Variants in TRABD2A observed in about 807,000 individuals in gnomAD.
TRABD2A encodes the protein TraB domain containing 2A.
In TRABD2A, 43 loss-of-function variants were observed where a neutral mutation model predicts 45.6. That is an observed-to-expected ratio of 0.94 (90% CI 0.74 to 1.22). The LOEUF (loss-of-function observed/expected upper bound fraction) is 1.22. Among genes scored for constraint, TRABD2A ranks in the 50% most tolerant of loss-of-function variants. TRABD2A has a pLI of 0.00. For missense variants in TRABD2A, 642 were observed against 652.4 expected, an observed-to-expected ratio of 0.98 and a Z score of 0.17; for synonymous variants, 269 against 265.0, an observed-to-expected ratio of 1.02 and a Z score of -0.15.
intron 4 of TRABD2A, chr2:84,832,471 G>A: frequency 3.4e-6 from 1 of 293,636 alleles, no homozygotes; most frequent in South Asian, 5.1e-5. Context: ...ATGTGAGCAG[G>A]ATCCTGAAAG....
At chr2:84,840,402 T>G (rs1316571065) in intron 3 of TRABD2A, among the ~76,000 whole-genome samples, 4 of 152,044 alleles carry the variant, frequency 2.6e-5, no homozygotes, top group Non-Finnish European at 5.9e-5. Flanking sequence ...ATACACAGGG[T>G]GACCTCCCTC....
intron 2 of TRABD2A, among the ~76,000 whole-genome samples, chr2:84,852,959 C>A (rs148984086): frequency 2.0e-5 from 3 of 152,076 alleles, no homozygotes; most frequent in African/African-American, 7.2e-5. Flanking sequence ...GCTGTGGAAC[C>A]ACTAGAGAGG....
At position 84,830,580 on chromosome 2, in the gene TRABD2A, T is replaced by A. The variant is rs1379223021; in HGVS notation, c.1082+1475A>T. Among the ~76,000 whole-genome samples, 2 of 151,852 alleles carry A rather than the reference T, an allele frequency of 1.3e-5. No homozygotes were observed. The highest frequency in any genetic ancestry group is 4.8e-5 in the African/African-American group (2 of 41,286). ...GGCCATGGAAATGGAGAAGGACAAA[T>A]CCCAGCGAGTCTTTAGTGGAGGAAG... On this transcript the variant is annotated intron_variant, in intron 5 of 6. Coordinates refer to ENST00000409520, the MANE Select transcript of TRABD2A (RefSeq NM_001277053.2). The surrounding 1 kb of genome is among the most constrained non-coding windows in gnomAD (Gnocchi z 4.9).
At chr2:84,828,951 G>T (rs1681230555) in intron 5 of TRABD2A, among the ~76,000 whole-genome samples, 1 of 152,012 alleles carries the variant, frequency 6.6e-6, no homozygotes, top group Non-Finnish European at 1.5e-5. Flanking sequence ...GTAGGGAAAG[G>T]ATCTCTGGCA....
At chr2:84,843,313 G>A (rs1681773460) in intron 2 of TRABD2A, among the ~76,000 whole-genome samples, 1 of 152,116 alleles carries the variant, frequency 6.6e-6, no homozygotes, top group Non-Finnish European at 1.5e-5. Context: ...GAGGTCTTTA[G>A]CAAGATGTTT....
intron 3 of TRABD2A, among the ~76,000 whole-genome samples, chr2:84,840,808 C>G (rs527330953): frequency 1.2e-4 from 18 of 152,274 alleles, no homozygotes; most frequent in African/African-American, 3.6e-4. Context: ...TCCTGCTTCA[C>G]TTTGTCTCAA....
intron 2 of TRABD2A, among the ~76,000 whole-genome samples, chr2:84,866,199 G>A (rs1339190804): frequency 1.3e-5 from 2 of 152,216 alleles, no homozygotes; most frequent in African/African-American, 4.8e-5. Flanking sequence ...GAGGAGTGGG[G>A]ACTGCGGCCA....
chr2:84,870,565 T>G lies in TRABD2A; in HGVS notation c.329A>C (p.Asn110Thr). 1 of 1,613,812 alleles carries G rather than the reference T, an allele frequency of 6.2e-7. No homozygotes were observed. The highest frequency in any genetic ancestry group is 8.5e-7 in the Non-Finnish European group (1 of 1,179,802). ...TSCQMLPQGE[N>T]LQDVLPRDIY... ...GTCCCTGGGGAGCACATCTTGGAGGTTCTCGCCCTGTGGCAGCATCTGACA... is the reference window on the plus strand; with the variant it reads ...GTCCCTGGGGAGCACATCTTGGAGGGTCTCGCCCTGTGGCAGCATCTGACA... The change falls in exon 2 of 7, where the codon AAC becomes ACC. Residue 110 changes from asparagine to threonine, a missense_variant. By Grantham distance (65) the Asn-to-Thr change is moderately conservative (BLOSUM62 0). Transcript: ENST00000409520.
chr2:84,872,171 T>C (rs1429517988), intron 1 of TRABD2A, among the ~76,000 whole-genome samples: 2 of 152,192 alleles, frequency 1.3e-5, no homozygotes, highest in Non-Finnish European at 1.5e-5. Flanking sequence ...AAGAACAATG[T>C]ATTAAGAAAG....
At chr2:84,847,697 T>G (rs1010794031) in intron 2 of TRABD2A, among the ~76,000 whole-genome samples, 4 of 152,230 alleles carry the variant, frequency 2.6e-5, no homozygotes, top group African/African-American at 4.8e-5. Flanking sequence ...TCCATTCAAA[T>G]CCTTCCTTTA....
intron 2 of TRABD2A, among the ~76,000 whole-genome samples, chr2:84,845,065 T>C (rs1417079851): frequency 2.0e-5 from 3 of 152,168 alleles, no homozygotes; most frequent in Admixed American, 2.0e-4. Context: ...AAATAAGAAC[T>C]TTAGGCCAGG....
rs778772598 is a variant in TRABD2A, at chr2:84,824,184, G to A, written c.1103C>T (p.Ser368Phe). ...GATGGTGGACAGAGTGGGCCGTGTG[G>A]AGGTCTTTTTACTCTTCCCTCTGTA... is the stretch of plus-strand genomic sequence containing the variant. ...PIHKGKSKKT[S>F]TRPTLSTIFA... Residue 368 changes from serine (S) to phenylalanine (F), a missense_variant, in exon 6 of 7, where the codon TCC becomes TTC. By Grantham distance (155) the Ser-to-Phe change is radical. Coordinates refer to ENST00000409520, the MANE Select transcript of TRABD2A (RefSeq NM_001277053.2). 14 of 1,613,984 alleles carry A rather than the reference G, an allele frequency of 8.7e-6. No homozygotes were observed. The highest frequency in any genetic ancestry group is 1.2e-5 in the Non-Finnish European group (14 of 1,179,884).
intron 2 of TRABD2A, among the ~76,000 whole-genome samples, chr2:84,852,694 A>C (rs1259358615): frequency 1.3e-5 from 2 of 152,176 alleles, no homozygotes; most frequent in Admixed American, 1.3e-4. Flanking sequence ...GACAACTGCA[A>C]AGATGACCCA....
chr2:84,845,570 C>T (rs11691972), intron 2 of TRABD2A, among the ~76,000 whole-genome samples: 2,564 of 131,782 alleles, frequency 0.019, 83 homozygotes, highest in African/African-American at 0.081. Flanking sequence ...GAGACAAGGG[C>T]GGGGGAAGAA....
chr2:84,873,614 A>C (rs1038518442), intron 1 of TRABD2A, among the ~76,000 whole-genome samples: 2 of 152,314 alleles, frequency 1.3e-5, no homozygotes, highest in African/African-American at 2.4e-5. Context: ...TAAGCAATCA[A>C]ATGTCTCACT....
chr2:84,825,876 G>T (rs886845547), intron 5 of TRABD2A, among the ~76,000 whole-genome samples: 3 of 152,104 alleles, frequency 2.0e-5, no homozygotes, highest in African/African-American at 7.2e-5. Context: ...CAGGGATCTC[G>T]GTTGCACACT....
chr2:84,829,876 TAC>T (rs140126886), intron 5 of TRABD2A, among the ~76,000 whole-genome samples: 2 of 132,162 alleles, frequency 1.5e-5, no homozygotes, highest in Non-Finnish European at 3.3e-5. Context: ...ACATGCACAC[TAC>T]ACACACACAC....
At position 84,870,449 on chromosome 2, in the gene TRABD2A, C is replaced by A. The variant is rs759830766; in HGVS notation, c.445G>T (p.Ala149Ser). The part of the protein sequence containing the change: ...TPDQRGKGLY[A>S]DYLFNAIAGN... ...GCAATAGCATTGAAGAGGTAGTCTG[C>A]GTAGAGCCCCTTGCCGCGCTGGTCT... The change falls in exon 2 of 7, where the codon GCA (alanine) becomes TCA (serine). Residue 149 changes from alanine (A) to serine (S), a missense_variant. Coordinates refer to ENST00000409520, the MANE Select transcript of TRABD2A (RefSeq NM_001277053.2). 1.2e-6 allele frequency: 2 copies of A among 1,614,026 alleles called. No individual in the cohort carries two copies. The highest frequency in any genetic ancestry group is 1.7e-6 in the Non-Finnish European group (2 of 1,179,894).
chr2:84,859,955 G>T lies in TRABD2A; in HGVS notation c.669+10270C>A, dbSNP rs1003485085. ...CATTTATTTTTTGGAGAGATGGGGGGGGGTCTCACTATGTTGTCCAGGCTG... is the reference window on the plus strand; with the variant it reads ...CATTTATTTTTTGGAGAGATGGGGGTGGGTCTCACTATGTTGTCCAGGCTG... On this transcript the variant is annotated intron_variant, in intron 2 of 6. Transcript: ENST00000409520. Among the ~76,000 whole-genome samples the T allele has an allele frequency of 3.3e-5, 5 of 152,066 alleles. No homozygotes were observed. The East Asian group carries it at 5.8e-4, about 18-fold the overall frequency.
Sources: allele counts gnomAD v4.1 joint callset (sites outside exome capture counted in the v4.1 genomes callset), GRCh38; gene constraint gnomAD v4.1.1; non-coding constraint Gnocchi (gnomAD v3.1); transcripts MANE v1.5; gene names NCBI Gene and HGNC (gene_info 2026-07-23, HGNC 2026-07-21).